ZNF232: variants seen among roughly 807,000 people sequenced by gnomAD.
The protein encoded by ZNF232 is zinc finger and SCAN domain-containing protein 11.
Under a neutral mutation model 25.2 loss-of-function variants are expected in ZNF232, and 25 were observed. That is an observed-to-expected ratio of 0.99 (90% CI 0.72 to 1.39). ZNF232 has a LOEUF of 1.39. Among genes scored for constraint, ZNF232 ranks in the 40% most tolerant of loss-of-function variants. The pLI is 0.00. For missense variants in ZNF232, 519 were observed against 520.9 expected (o/e 1.00, Z 0.04); for synonymous variants, 193 against 182.9 (o/e 1.06, Z -0.45).
At chr17:5,111,679 C>T in intron 1 of ZNF232, 121 bp downstream of exon 1, 1 of 1,527,244 alleles carries the variant, frequency 6.5e-7, no homozygotes, top group East Asian at 2.3e-5. Context: ...CCAAACCCCT[C>T]TCCACACACA....
chr17:5,106,022 C>A lies in ZNF232; in HGVS notation c.1110G>T (p.Arg370Ser), dbSNP rs776782296. ...CATAGGGCTTCTCTCCTGAGTGAATCCTCTGATGCTGAACAAGATGAGCAC... is the reference window on the plus strand; with the variant it reads ...CATAGGGCTTCTCTCCTGAGTGAATACTCTGATGCTGAACAAGATGAGCAC... Residue 370 changes from arginine (R) to serine (S), a missense_variant, in exon 4 of 4, where the codon AGG (arginine) becomes AGT (serine). Physicochemically the swap from Arg to Ser is moderately radical, Grantham distance 110 (BLOSUM62 -1). Coordinates refer to ENST00000575898, the Ensembl canonical transcript of ZNF232. The A allele has an allele frequency of 5.6e-6, 9 of 1,614,130 alleles. No individual in the cohort carries two copies. The South Asian group carries it at 9.9e-5, about 18-fold the overall frequency.
chr17:5,106,749 T>A, intron 3 of ZNF232, among the ~76,000 whole-genome samples: 1 of 152,282 alleles, frequency 6.6e-6, no homozygotes, highest in African/African-American at 2.4e-5. Context: ...TTCTCCATAA[T>A]GAAACACTAA....
upstream of ZNF232, chr17:5,113,324 T>C (rs4790744): frequency 0.8 from 120,985 of 151,688 alleles, 48,221 homozygotes; most frequent in East Asian, 0.94. Flanking sequence ...GAAATTGTCT[T>C]ATTTAGTCTT....
upstream of ZNF232, among the ~76,000 whole-genome samples, chr17:5,115,412 G>T (rs2143661048): frequency 6.6e-6 from 1 of 152,180 alleles, no homozygotes; most frequent in South Asian, 2.1e-4. Context: ...TTAGCCTGGC[G>T]TGGTGGGGGG....
chr17:5,110,159 T>C (rs1306638109), intron 1 of ZNF232, among the ~76,000 whole-genome samples: 2 of 152,102 alleles, frequency 1.3e-5, no homozygotes, highest in Admixed American at 6.5e-5. Context: ...CCCAAAGTGG[T>C]AGGATTACAG....
chr17:5,109,015 G>A (rs764483487), exon 3 of ZNF232: 22 of 1,613,978 alleles, frequency 1.4e-5, no homozygotes, highest in Admixed American at 5.0e-5. Context: ...CTTCTCCCAT[G>A]GCTCTTCCTG....
chr17:5,105,792 G>C, exon 4 of ZNF232: 2 of 1,521,100 alleles, frequency 1.3e-6, no homozygotes, highest in Non-Finnish European at 1.8e-6. Context: ...GACCGATGTA[G>C]AATTCTGTCT....
upstream of ZNF232, among the ~76,000 whole-genome samples, chr17:5,115,576 A>ACACACACACACACAC (rs1555584331): frequency 6.6e-6 from 1 of 150,852 alleles, no homozygotes; most frequent in African/African-American, 2.4e-5. Flanking sequence ...ACACACACAC[A>ACACACACACACACAC]AAACCCAAAA....
intron 1 of ZNF232, chr17:5,120,881 C>T: frequency 2.2e-6 from 1 of 454,510 alleles, no homozygotes; most frequent in Non-Finnish European, 4.4e-6. Flanking sequence ...ACAGGCTGTC[C>T]CAGTTGGAAG....
In ZNF232 at chr17:5,106,091, C is replaced by G. The variant is rs1448211877; in HGVS notation, c.1041G>C (p.Glu347Asp). 4.3e-6 allele frequency: 7 copies of G among 1,614,208 alleles called. No individual in the cohort carries two copies. In the South Asian group the frequency reaches 6.6e-5, roughly 15 times the overall value. ...CACATTCATTACATTCGAAGGGTTT[C>G]TCTCCTGTATGAATTCTCTGATGCT... Residue 347 changes from glutamate (E) to aspartate (D), a missense_variant, in exon 4 of 4, where the codon GAG (glutamate) becomes GAC (aspartate). Glu to Asp is a conservative substitution (Grantham distance 45). Coordinates refer to ENST00000575898, the Ensembl canonical transcript of ZNF232.
intron 1 of ZNF232, chr17:5,121,437 G>T: frequency 3.2e-6 from 1 of 309,292 alleles, no homozygotes; most frequent in Admixed American, 4.5e-5. Flanking sequence ...GCAGGATAGA[G>T]ATATGGAGCT....
intron 1 of ZNF232, among the ~76,000 whole-genome samples, chr17:5,118,040 G>A (rs913631014): frequency 1.3e-5 from 2 of 149,534 alleles, no homozygotes; most frequent in Non-Finnish European, 2.9e-5. Context: ...CTGCACTCTA[G>A]CCTGGGCAAC....
chr17:5,122,047 A>G lies in ZNF232; in HGVS notation c.-530+930T>C, dbSNP rs372785308. On this transcript the variant is annotated intron_variant, in intron 1 of 4. Transcript: ENST00000250076. ...ATTCACTCTGGCTGCAGAGGGAGAA[A>G]TGGATCAGAGGGGTCAGGGTGGGGC... Among the ~76,000 whole-genome samples, 29 of 147,392 alleles carry G rather than the reference A, an allele frequency of 2.0e-4. 1 individual carries two copies. Among genetic ancestry groups the G allele is most frequent in the African/African-American group, 7.0e-4 (28 of 40,092 alleles).
chr17:5,106,031 C>A lies in ZNF232; in HGVS notation c.1101G>T (p.Gln367His), dbSNP rs1488634603. 3 of 1,614,144 alleles carry A rather than the reference C, an allele frequency of 1.9e-6. No homozygotes were observed. The Admixed American group carries it at 5.0e-5, about 27-fold the overall frequency. ...TCTCTCCTGAGTGAATCCTCTGATG[C>A]TGAACAAGATGAGCACCCCATCTGA... The change falls in exon 4 of 4, where the codon CAG becomes CAT. Residue 367 changes from glutamine to histidine, a missense_variant. Coordinates refer to ENST00000575898, the Ensembl canonical transcript of ZNF232.
chr17:5,116,837 T>C (rs2072549384), upstream of ZNF232: 4 of 152,138 alleles, frequency 2.6e-5, no homozygotes, highest in Admixed American at 6.5e-5. Flanking sequence ...CAAGAGAAAA[T>C]TGATGGTAAG....
At chr17:5,114,509 T>G (rs538412545), upstream of ZNF232, 24 of 152,466 alleles carry the variant, frequency 1.6e-4, no homozygotes, top group African/African-American at 5.3e-4. Context: ...CTCTCTCACC[T>G]TGTATGGATT....
chr17:5,119,092 T>G (rs2143695337), intron 1 of ZNF232, among the ~76,000 whole-genome samples: 1 of 152,306 alleles, frequency 6.6e-6, no homozygotes, highest in South Asian at 2.1e-4. Flanking sequence ...GTCCTGCCTC[T>G]ATCACTATCA....
At chr17:5,106,226 G>A in exon 4 of ZNF232, 1 of 1,614,184 alleles carries the variant, frequency 6.2e-7, no homozygotes, top group Non-Finnish European at 8.5e-7. Flanking sequence ...TATAAATGAA[G>A]GTTTTACCAC....
chr17:5,109,280 C>G lies in ZNF232; in HGVS notation c.498+114G>C, dbSNP rs769979050. The G allele has an allele frequency of 3.7e-6, 5 of 1,337,848 alleles. No individual in the cohort carries two copies. In the Admixed American group the frequency reaches 8.5e-5, roughly 23 times the overall value. 82.9% of individuals were successfully genotyped at this position (1,337,848 alleles called of 1,614,324 possible). Reference sequence around the variant, plus strand: ...CAGACACAGAAACACATACTAACTGCTCTACCTGGCCCAAGAGAGGTTTGA... The same window carrying G: ...CAGACACAGAAACACATACTAACTGGTCTACCTGGCCCAAGAGAGGTTTGA... On this transcript the variant is annotated intron_variant, in intron 2 of 3. Transcript: ENST00000575898.
Sources: gnomAD v4.1 joint callset for allele counts (sites outside exome capture counted in the v4.1 genomes callset) on GRCh38, gnomAD v4.1.1 for gene constraint, MANE v1.5 for transcripts, NCBI Gene and HGNC (gene_info 2026-07-23, HGNC 2026-07-21) for gene names.